BCL2L14: variants seen among roughly 807,000 people sequenced by gnomAD.
BCL2L14 encodes BCL2 like 14.
A neutral mutation model predicts 35.3 loss-of-function variants in BCL2L14; 27 were observed. The observed-to-expected ratio is 0.76, with a 90% CI of 0.56 to 1.05. BCL2L14 has a LOEUF of 1.05. Ranked by LOEUF, BCL2L14 falls within the 50% of genes least tolerant of loss-of-function variation. BCL2L14 has a pLI of 0.00. For synonymous variants in BCL2L14, 139 were observed against 145.9 expected (o/e 0.95, Z 0.34); for missense variants, 377 against 382.6 (o/e 0.99, Z 0.12).
intron 2 of BCL2L14, among the ~76,000 whole-genome samples, chr12:12,084,723 C>G (rs902408836): frequency 1.3e-5 from 2 of 152,046 alleles, no homozygotes; most frequent in African/African-American, 4.8e-5. Context: ...TTAACTAGAG[C>G]TAGTGCATCT....
At position 12,061,930 on chromosome 12, in the gene BCL2L14, G is replaced by A. The variant is rs570889973; in HGVS notation, c.-272+10083G>A. Among the ~76,000 whole-genome samples, 3 of 152,294 alleles carry A rather than the reference G, an allele frequency of 2.0e-5. No individual in the cohort carries two copies. The East Asian group carries it at 5.8e-4, about 29-fold the overall frequency. On this transcript the variant is annotated intron_variant, in intron 2 of 3. Coordinates refer to the BCL2L14 transcript ENST00000461264. ...CTCCTTTCCTTCCTAGGCATGGTTA[G>A]TGCAGTCCGAATTCTTACACAAGAG...
In BCL2L14 at chr12:12,051,158, G is replaced by A. The variant is rs374339316; in HGVS notation, c.-323-638G>A. 4.6e-5 allele frequency among the ~76,000 whole-genome samples: 7 copies of A among 152,244 alleles called. No homozygotes were observed. In the East Asian group the frequency reaches 1.4e-3, roughly 29 times the overall value. On this transcript the variant is annotated intron_variant, in intron 1 of 3. Coordinates refer to the BCL2L14 transcript ENST00000461264. ...AGCAGGGTGTATAAGAGTGAGGGAGGGGTTAATAAATAGAGATGGTGGGAA... is the reference window on the plus strand; with the variant it reads ...AGCAGGGTGTATAAGAGTGAGGGAGAGGTTAATAAATAGAGATGGTGGGAA...
intron 5 of BCL2L14, among the ~76,000 whole-genome samples, chr12:12,097,823 A>G (rs1307350215): frequency 6.6e-6 from 1 of 152,130 alleles, no homozygotes. Context: ...AAAAAAAAAG[A>G]TGAATTATTC....
At chr12:12,075,775 C>CT (rs923342915) in intron 1 of BCL2L14, among the ~76,000 whole-genome samples, 2 of 151,898 alleles carry the variant, frequency 1.3e-5, no homozygotes, top group Non-Finnish European at 2.9e-5. Flanking sequence ...CTGTCTTCAC[C>CT]TTTTTTTGGC....
intron 2 of BCL2L14, among the ~76,000 whole-genome samples, chr12:12,058,843 A>G (rs888605882): frequency 2.4e-4 from 37 of 152,148 alleles, no homozygotes; most frequent in Admixed American, 7.2e-4. Context: ...CTGTCCTCCC[A>G]CTCTTTGCTC....
chr12:12,093,593 G>C (rs890334058), intron 4 of BCL2L14, among the ~76,000 whole-genome samples: 8 of 152,098 alleles, frequency 5.3e-5, no homozygotes, highest in African/African-American at 1.9e-4. Flanking sequence ...AGGAGTTCAA[G>C]ACCAGCCTTA....
chr12:12,083,481 C>T (rs912043708), intron 2 of BCL2L14, among the ~76,000 whole-genome samples: 4 of 152,168 alleles, frequency 2.6e-5, no homozygotes, highest in Admixed American at 6.5e-5. Flanking sequence ...TCCATAGCTA[C>T]GATTTGCTCA....
chr12:12,065,291 T>G (rs982740974), intron 2 of BCL2L14, among the ~76,000 whole-genome samples: 11 of 152,108 alleles, frequency 7.2e-5, no homozygotes, highest in African/African-American at 2.4e-4. Flanking sequence ...ATCTCAGCAC[T>G]TTGGGAGGCC....
intron 2 of BCL2L14, among the ~76,000 whole-genome samples, chr12:12,080,121 C>T (rs368329508): frequency 6.6e-6 from 1 of 151,448 alleles, no homozygotes; most frequent in Non-Finnish European, 1.5e-5. Context: ...AGGAGAATGG[C>T]GTGAACCCAG....
intron 2 of BCL2L14, among the ~76,000 whole-genome samples, chr12:12,083,339 A>G (rs1948969811): frequency 6.6e-6 from 1 of 152,198 alleles, no homozygotes; most frequent in South Asian, 2.1e-4. Flanking sequence ...CCGGGCTTAC[A>G]TGGGAACTGT....
Position 12,099,095 on chromosome 12 carries a change from G to A in BCL2L14, c.*107G>A. 2 of 817,122 alleles carry A rather than the reference G, an allele frequency of 2.4e-6. No homozygotes were observed. Among genetic ancestry groups the A allele is most frequent in the East Asian group, 2.5e-5 (1 of 39,904 alleles). 50.6% of individuals were successfully genotyped at this position (817,122 alleles called of 1,614,324 possible). On this transcript the variant is annotated 3_prime_UTR_variant, in exon 6 of 6. Transcript: ENST00000308721. ...CAACGTACAAGGCAGATGGAGCATT[G>A]ACGTTTTCAAAACCATTATTCCTGT...
In BCL2L14 at chr12:12,079,639, G is replaced by T; in HGVS notation, c.334G>T (p.Val112Phe). Reference sequence around the variant, plus strand: ...AGATTCGCAGAGCACGCCTGCCAAGGTCTCTGCTCAGGGTCAAAGGACGTT... The same window carrying T: ...AGATTCGCAGAGCACGCCTGCCAAGTTCTCTGCTCAGGGTCAAAGGACGTT... The part of the protein sequence containing the change: ...KEDSQSTPAK[V>F]SAQGQRTLEY... The change falls in exon 2 of 6, where the codon GTC becomes TTC. Residue 112 changes from valine (V) to phenylalanine (F), a missense_variant. Physicochemically the swap from Val to Phe is conservative, Grantham distance 50 (BLOSUM62 -1). Coordinates refer to ENST00000308721, the MANE Select transcript of BCL2L14 (RefSeq NM_138723.2). 2 of 1,614,180 alleles carry T rather than the reference G, an allele frequency of 1.2e-6. No individual in the cohort carries two copies. The highest frequency in any genetic ancestry group is 1.7e-6 in the Non-Finnish European group (2 of 1,180,036).
chr12:12,058,216 T>C (rs1051025225), intron 2 of BCL2L14, among the ~76,000 whole-genome samples: 1 of 151,408 alleles, frequency 6.6e-6, no homozygotes, highest in African/African-American at 2.4e-5. Context: ...CCTCCCAAAG[T>C]GCTGGGATTA....
chr12:12,084,716 A>C (rs1443584225), intron 2 of BCL2L14, among the ~76,000 whole-genome samples: 1 of 152,028 alleles, frequency 6.6e-6, no homozygotes, highest in Non-Finnish European at 1.5e-5. Flanking sequence ...GGGAATTTTA[A>C]CTAGAGCTAG....
At position 12,079,439 on chromosome 12, in the gene BCL2L14, CA is replaced by C; in HGVS notation, c.137del (p.Lys46SerfsTer3). The part of the protein sequence containing the change: ...VFKSTPALFS[P>X]KLLRTRSLSQ... ...AAGAGCACCCCTGCTCTCTTCTCACCAAAGCTGCTGAGAACAAGAAGTTTGT... is the reference window on the plus strand; with the variant it reads ...AAGAGCACCCCTGCTCTCTTCTCACCAAGCTGCTGAGAACAAGAAGTTTGT... On this transcript the variant is annotated frameshift_variant, in exon 2 of 6. Transcript: ENST00000308721. LOFTEE classifies it high-confidence loss of function. 1.2e-6 allele frequency: 2 copies of C among 1,614,204 alleles called. No homozygotes were observed. Among genetic ancestry groups the C allele is most frequent in the Non-Finnish European group, 1.7e-6 (2 of 1,180,036 alleles).
intron 5 of BCL2L14, among the ~76,000 whole-genome samples, chr12:12,097,621 CT>C: frequency 6.6e-6 from 1 of 152,250 alleles, no homozygotes; most frequent in South Asian, 2.1e-4. Context: ...TTGCATAACT[CT>C]GTGAATATAC....
rs564931854 is a variant in BCL2L14, at chr12:12,085,899, G to A, written c.434-1314G>A. 3.9e-5 allele frequency among the ~76,000 whole-genome samples: 6 copies of A among 152,246 alleles called. No individual in the cohort carries two copies. In the East Asian group the frequency reaches 9.6e-4, roughly 24 times the overall value. On this transcript the variant is annotated intron_variant, in intron 2 of 5. Coordinates refer to ENST00000308721, the MANE Select transcript of BCL2L14 (RefSeq NM_138723.2). ...AGCACACCAACCTTCTGTCCAAAACGCCACTCCATTACTGTCTTCAAGTCC... is the reference window on the plus strand; with the variant it reads ...AGCACACCAACCTTCTGTCCAAAACACCACTCCATTACTGTCTTCAAGTCC...
intron 3 of BCL2L14, among the ~76,000 whole-genome samples, chr12:12,088,503 A>G (rs1949096762): frequency 6.6e-6 from 1 of 152,072 alleles, no homozygotes; most frequent in Non-Finnish European, 1.5e-5. Flanking sequence ...GCCTTTTCCT[A>G]TTGGCACAGC....
At chr12:12,053,277 C>T (rs1482483874) in intron 2 of BCL2L14, among the ~76,000 whole-genome samples, 1 of 152,198 alleles carries the variant, frequency 6.6e-6, no homozygotes, top group Non-Finnish European at 1.5e-5. Flanking sequence ...TAGGGCTAAT[C>T]TAATAGCAGA....
Sources: gnomAD v4.1 joint callset for allele counts (sites outside exome capture counted in the v4.1 genomes callset) on GRCh38, gnomAD v4.1.1 for gene constraint, MANE v1.5 for transcripts, NCBI Gene and HGNC (gene_info 2026-07-23, HGNC 2026-07-21) for gene names.